PRKAR1A: variants seen among roughly 807,000 people sequenced by gnomAD.
PRKAR1A encodes cAMP-dependent protein kinase type I-alpha regulatory subunit.
PRKAR1A carries 3 observed loss-of-function variants against 52.0 expected under a neutral mutation model. The observed-to-expected ratio is 0.06, with a 90% confidence interval of 0.03 to 0.15. PRKAR1A has a LOEUF of 0.15. PRKAR1A is among the 10% of genes least tolerant of loss of function. The probability of loss-of-function intolerance (pLI) is 1.00; values close to 1 mark genes in which losing one functional copy is unlikely to be tolerated. For synonymous variants in PRKAR1A, 188 were observed against 168.4 expected (o/e 1.12, Z -0.90); for missense variants, 240 against 477.4 (o/e 0.50, Z 4.63).
chr17:68,484,740 T>C, the PRKAR1A span, among the ~76,000 whole-genome samples: 1 of 152,210 alleles, frequency 6.6e-6, no homozygotes, highest in African/African-American at 2.4e-5. Context: ...TCATCAAATG[T>C]AGCAAGAAAG....
the PRKAR1A span, among the ~76,000 whole-genome samples, chr17:68,434,145 T>A: frequency 2.6e-5 from 4 of 152,206 alleles, no homozygotes; most frequent in Non-Finnish European, 5.9e-5. Flanking sequence ...TGTGCCTTCC[T>A]GGCATCTTGG....
the PRKAR1A span, chr17:68,420,066 A>AT: frequency 2.7e-6 from 3 of 1,111,078 alleles, no homozygotes; most frequent in South Asian, 4.5e-5. Context: ...AGAGAGAGCC[A>AT]TCATTGGAAC....
chr17:68,528,668 A>G (rs1250605808), intron 8 of PRKAR1A: 5 of 635,216 alleles, frequency 7.9e-6, no homozygotes, highest in African/African-American at 3.7e-5. Flanking sequence ...CTACCGAAGT[A>G]AGGATCTAAG....
At chr17:68,516,200 C>T (rs1013668055) in intron 2 of PRKAR1A, among the ~76,000 whole-genome samples, 5 of 151,994 alleles carry the variant, frequency 3.3e-5, no homozygotes, top group Non-Finnish European at 7.4e-5. Flanking sequence ...TTTGCTCTTC[C>T]TCCTTGCTTG....
the PRKAR1A span, chr17:68,434,553 G>C: frequency 5.0e-6 from 8 of 1,613,848 alleles, no homozygotes; most frequent in South Asian, 7.7e-5. Flanking sequence ...ATTGAACACA[G>C]ACCTTTTCAT....
intron 11 of PRKAR1A, chr17:68,540,820 C>A: frequency 1.3e-6 from 2 of 1,572,044 alleles, no homozygotes; most frequent in Non-Finnish European, 1.7e-6. Flanking sequence ...GAGCCCACTT[C>A]TGCTGGGGGC....
chr17:68,490,377 G>T, the PRKAR1A span, among the ~76,000 whole-genome samples: 296 of 152,320 alleles, frequency 1.9e-3, no homozygotes, highest in Non-Finnish European at 3.4e-3. Flanking sequence ...CATGGAGAGT[G>T]CTGGAGAGCT....
chr17:68,474,372 T>C, the PRKAR1A span, among the ~76,000 whole-genome samples: 1 of 152,186 alleles, frequency 6.6e-6, no homozygotes, highest in Non-Finnish European at 1.5e-5. Flanking sequence ...GACAGAAGGT[T>C]ACTTTCTGCG....
chr17:68,543,309 T>C (rs1397403307), intron 11 of PRKAR1A, among the ~76,000 whole-genome samples: 3 of 152,164 alleles, frequency 2.0e-5, no homozygotes, highest in African/African-American at 7.2e-5. Context: ...ACAGTGAGAC[T>C]CCTTGGATAA....
the PRKAR1A span, among the ~76,000 whole-genome samples, chr17:68,446,682 A>G: frequency 6.6e-6 from 1 of 152,136 alleles, no homozygotes; most frequent in African/African-American, 2.4e-5. Flanking sequence ...TTCTGTTCAG[A>G]GGTTTCTGAT....
chr17:68,535,211 A>T (rs1372017944), downstream of PRKAR1A: 1 of 448,340 alleles, frequency 2.2e-6, no homozygotes. Context: ...TGGTTTTCTG[A>T]TATTTTTGAG....
At chr17:68,430,625 G>A in the PRKAR1A span, among the ~76,000 whole-genome samples, 3,045 of 152,286 alleles carry the variant, frequency 0.02, 108 homozygotes, top group African/African-American at 0.069. Flanking sequence ...ACTTTGGGTG[G>A]TGTTTGATTG....
In PRKAR1A at chr17:68,524,923, G is replaced by T; in HGVS notation, c.514G>T (p.Asp172Tyr). The T allele has an allele frequency of 1.2e-6, 2 of 1,609,170 alleles. No homozygotes were observed. Among genetic ancestry groups the T allele is most frequent in the Non-Finnish European group, 1.7e-6 (2 of 1,175,756 alleles). Residue 172 changes from aspartate to tyrosine, a missense_variant, in exon 6 of 11, where the codon GAT becomes TAT. Coordinates refer to ENST00000589228, the MANE Select transcript of PRKAR1A (RefSeq NM_002734.5). The stretch of plus-strand genomic sequence containing the variant: ...TTACCCTCTTTTAGGTGATGAAGGG[G>T]ATAACTTCTATGTGATTGATCAAGG... ...ETVIQQGDEG[D>Y]NFYVIDQGET...
chr17:68,429,076 C>A, the PRKAR1A span: 1 of 642,302 alleles, frequency 1.6e-6, no homozygotes, highest in Admixed American at 2.6e-5. Context: ...CTGGTCTGGG[C>A]TTCTGGCTAT....
chr17:68,465,649 T>G, the PRKAR1A span, among the ~76,000 whole-genome samples: 3 of 128,324 alleles, frequency 2.3e-5, no homozygotes, highest in South Asian at 5.2e-4. Flanking sequence ...TTTTTTTTTT[T>G]GTAGAGACGG....
chr17:68,522,507 T>C (rs2085644984), intron 2 of PRKAR1A, among the ~76,000 whole-genome samples: 1 of 152,240 alleles, frequency 6.6e-6, no homozygotes, highest in Non-Finnish European at 1.5e-5. Context: ...TGAGTACTAA[T>C]GGCTTGTACT....
the PRKAR1A span, chr17:68,421,774 C>A: frequency 6.2e-7 from 1 of 1,614,216 alleles, no homozygotes; most frequent in Non-Finnish European, 8.5e-7. Flanking sequence ...TGCTTCTCAT[C>A]ATGACTGCTT....
At chr17:68,550,332 A>G (rs1179935529) in intron 11 of PRKAR1A, among the ~76,000 whole-genome samples, 2 of 144,094 alleles carry the variant, frequency 1.4e-5, no homozygotes, top group African/African-American at 2.5e-5. Context: ...TCTAACAACT[A>G]GGATTTTGGA....
At chr17:68,461,788 G>A in the PRKAR1A span, among the ~76,000 whole-genome samples, 1 of 152,120 alleles carries the variant, frequency 6.6e-6, no homozygotes, top group Non-Finnish European at 1.5e-5. This position sits in a 1 kb window ranked among gnomAD's most constrained non-coding sequence, Gnocchi z 4.6. Flanking sequence ...AGTACGTGGA[G>A]GAAGCTCAAG....
Sources: allele counts gnomAD v4.1 joint callset (sites outside exome capture counted in the v4.1 genomes callset), GRCh38; gene constraint gnomAD v4.1.1; non-coding constraint Gnocchi (gnomAD v3.1); transcripts MANE v1.5; gene names NCBI Gene and HGNC (gene_info 2026-07-23, HGNC 2026-07-21).